The following MECOM variants were observed in gnomAD, a reference collection of about 807,000 sequenced individuals.
MECOM encodes histone-lysine N-methyltransferase MECOM.
In MECOM, 13 loss-of-function variants were observed where a neutral mutation model predicts 116.3. That is an observed-to-expected ratio of 0.11 (90% CI 0.07 to 0.18). The LOEUF (loss-of-function observed/expected upper bound fraction) is 0.18, where lower values mean the gene tolerates loss of function less well. Among genes scored for constraint, MECOM ranks in the 10% least tolerant of loss-of-function variants. MECOM has a pLI of 1.00. For missense variants in MECOM, 1,299 were observed against 1,509.0 expected, an observed-to-expected ratio of 0.86 and a Z score of 2.31; for synonymous variants, 528 against 535.2, an observed-to-expected ratio of 0.99 and a Z score of 0.19.
chr3:169,348,984 C>A (rs1004276511), intron 2 of MECOM, among the ~76,000 whole-genome samples: 10 of 151,906 alleles, frequency 6.6e-5, no homozygotes, highest in Non-Finnish European at 1.3e-4. Context: ...TCTCTAAATA[C>A]TTCAGGAGAC....
intron 1 of MECOM, among the ~76,000 whole-genome samples, chr3:169,535,674 G>A (rs374495722): frequency 6.6e-6 from 1 of 152,186 alleles, no homozygotes; most frequent in South Asian, 2.1e-4. Context: ...TTTATTTATA[G>A]CCTATCCCAT....
chr3:169,291,108 C>T (rs1268522498), intron 2 of MECOM, among the ~76,000 whole-genome samples: 4 of 152,184 alleles, frequency 2.6e-5, no homozygotes, highest in Non-Finnish European at 5.9e-5. Context: ...CTAAATCTTG[C>T]ATCCTTCAGT....
chr3:169,101,283 A>T (rs1222137032), intron 11 of MECOM, among the ~76,000 whole-genome samples: 1 of 152,184 alleles, frequency 6.6e-6, no homozygotes, highest in Non-Finnish European at 1.5e-5. Flanking sequence ...TGAACCAGAT[A>T]AGGGGATAAA....
chr3:169,448,799 C>T (rs1015502011), intron 1 of MECOM, among the ~76,000 whole-genome samples: 24 of 152,168 alleles, frequency 1.6e-4, no homozygotes, highest in African/African-American at 3.9e-4. Flanking sequence ...ATCAACTGTT[C>T]GGTGGTTTGA....
chr3:169,507,456 A>G (rs1447605242), intron 1 of MECOM, among the ~76,000 whole-genome samples: 2 of 152,064 alleles, frequency 1.3e-5, no homozygotes, highest in Non-Finnish European at 2.9e-5. Context: ...CGTCCCTCTT[A>G]GTAGGGAATT....
rs1721249059 is a variant in MECOM at position 169,095,766 on chromosome 3, A to C, written c.2850-521T>G. Among the ~76,000 whole-genome samples, 5 of 152,336 alleles carry C rather than the reference A, an allele frequency of 3.3e-5. No homozygotes were observed. The South Asian group carries it at 1.0e-3, about 32-fold the overall frequency. On this transcript the variant is annotated intron_variant, in intron 12 of 16. Coordinates refer to ENST00000651503, the MANE Select transcript of MECOM (RefSeq NM_004991.4). ...TCAATATTTTAGACTTTTAAAACTAAAACAATGTAAATAATTTAGTCTGAT... is the reference window on the plus strand; with the variant it reads ...TCAATATTTTAGACTTTTAAAACTACAACAATGTAAATAATTTAGTCTGAT...
In MECOM at chr3:169,414,142, G is replaced by A. The variant is rs111730554; in HGVS notation, c.38-32618C>T. 2.1e-3 allele frequency among the ~76,000 whole-genome samples: 322 copies of A among 152,210 alleles called. 2 individuals are homozygous for A. The highest frequency in any genetic ancestry group is 7.0e-3 in the African/African-American group (291 of 41,538). ...CAGACAACTCATAAAGGACAGCTCC[G>A]GCTGGTATATGGTGGGTGCCCCCCT... is the stretch of plus-strand genomic sequence containing the variant. On this transcript the variant is annotated intron_variant, in intron 1 of 16. Transcript: ENST00000651503.
intron 1 of MECOM, among the ~76,000 whole-genome samples, chr3:169,424,811 C>A (rs1452368830): frequency 6.6e-6 from 1 of 152,092 alleles, no homozygotes; most frequent in Non-Finnish European, 1.5e-5. Flanking sequence ...ATTTTCCTGA[C>A]ATACTAGTTC....
At chr3:169,633,661 C>A (rs1390551800) in intron 1 of MECOM, among the ~76,000 whole-genome samples, 1 of 152,094 alleles carries the variant, frequency 6.6e-6, no homozygotes, top group Non-Finnish European at 1.5e-5. Flanking sequence ...GGTCTCCAAG[C>A]ATCCCAGCAC....
chr3:169,472,503 G>GAAAAGAAAAGA (rs1560317500), intron 1 of MECOM, among the ~76,000 whole-genome samples: 11 of 82,876 alleles, frequency 1.3e-4, no homozygotes, highest in Admixed American at 3.9e-4. Context: ...GAAAGGAAAG[G>GAAAAGAAAAGA]AAAGGAAAGG....
At chr3:169,247,652 T>C (rs1393245001) in intron 2 of MECOM, among the ~76,000 whole-genome samples, 2 of 152,236 alleles carry the variant, frequency 1.3e-5, no homozygotes, top group Non-Finnish European at 2.9e-5. Flanking sequence ...TGCAATGATG[T>C]AATTGCATTT....
intron 12 of MECOM, among the ~76,000 whole-genome samples, chr3:169,099,468 A>G (rs1039824113): frequency 3.9e-5 from 6 of 152,172 alleles, no homozygotes; most frequent in Admixed American, 2.0e-4. Context: ...TAAATTGGAA[A>G]TATATCACTT....
intron 1 of MECOM, among the ~76,000 whole-genome samples, chr3:169,441,162 G>T (rs539226424): frequency 6.6e-6 from 1 of 152,280 alleles, no homozygotes; most frequent in East Asian, 1.9e-4. Flanking sequence ...AGCTCAGCCT[G>T]AGCTGAGTGG....
rs939758602 is a variant in MECOM at position 169,090,374 on chromosome 3, A to G, written c.3165-138T>C. The G allele has an allele frequency of 1.1e-5, 8 of 708,670 alleles. No homozygotes were observed. In the Admixed American group the frequency reaches 2.6e-4, roughly 23 times the overall value. 43.9% of individuals were successfully genotyped at this position (708,670 alleles called of 1,614,324 possible). On this transcript the variant is annotated intron_variant, in intron 14 of 16. Coordinates refer to ENST00000651503, the MANE Select transcript of MECOM (RefSeq NM_004991.4). ...GGAAATGTTTTATTGTTTATGCTCT[A>G]CGTCAACCATGAAAAAATAATGTGA...
At chr3:169,147,307 C>A in intron 2 of MECOM, 2 of 985,574 alleles carry the variant, frequency 2.0e-6, no homozygotes, top group Non-Finnish European at 2.4e-6. Context: ...GCAGCGCCTT[C>A]GCGGGTCCTG....
intron 1 of MECOM, among the ~76,000 whole-genome samples, chr3:169,550,106 T>G (rs1761197154): frequency 6.6e-6 from 1 of 152,046 alleles, no homozygotes; most frequent in South Asian, 2.1e-4. Flanking sequence ...AGGGAAGGAA[T>G]TAGGGTAAAG....
At chr3:169,606,226 A>G (rs1198898499) in intron 1 of MECOM, among the ~76,000 whole-genome samples, 1 of 152,146 alleles carries the variant, frequency 6.6e-6, no homozygotes, top group African/African-American at 2.4e-5. Context: ...AGCCTAGCCA[A>G]CATAGTGAAA....
intron 2 of MECOM, among the ~76,000 whole-genome samples, chr3:169,360,891 T>C (rs1728196799): frequency 6.6e-6 from 1 of 151,788 alleles, no homozygotes; most frequent in Admixed American, 6.6e-5. Context: ...GAGAATGAAC[T>C]GGAATAAAAG....
At chr3:169,591,020 G>A (rs541566504) in intron 1 of MECOM, among the ~76,000 whole-genome samples, 1 of 152,278 alleles carries the variant, frequency 6.6e-6, no homozygotes, top group Admixed American at 6.5e-5. Context: ...GTGAAATTGA[G>A]CAAATTCCTA....
Sources: gnomAD v4.1 joint callset for allele counts (sites outside exome capture counted in the v4.1 genomes callset) on GRCh38, gnomAD v4.1.1 for gene constraint, MANE v1.5 for transcripts, NCBI Gene and HGNC (gene_info 2026-07-23, HGNC 2026-07-21) for gene names.